The following LINGO2 variants were observed in gnomAD, a reference collection of about 807,000 sequenced individuals.
The protein encoded by LINGO2 is leucine rich repeat and Ig domain containing 2.
In LINGO2, 14 loss-of-function variants were observed where a neutral mutation model predicts 30.6. The ratio of observed to expected loss-of-function variants is 0.46; its 90% CI spans 0.30 to 0.72. The LOEUF (loss-of-function observed/expected upper bound fraction) is 0.72, where lower values mean the gene tolerates loss of function less well. Among genes scored for constraint, LINGO2 ranks in the 30% least tolerant of loss-of-function variants. The pLI is 0.07. For synonymous variants in LINGO2, 317 were observed against 288.5 expected (o/e 1.10, Z -1.00); for missense variants, 729 against 751.7 (o/e 0.97, Z 0.35).
intron 4 of LINGO2, among the ~76,000 whole-genome samples, chr9:28,013,836 A>G (rs1049812457): frequency 2.6e-5 from 4 of 152,158 alleles, no homozygotes; most frequent in Non-Finnish European, 5.9e-5. Context: ...AAATTGGAAG[A>G]TGATAGGGTT....
chr9:28,046,967 G>T (rs1824450263), intron 4 of LINGO2, among the ~76,000 whole-genome samples: 2 of 152,116 alleles, frequency 1.3e-5, no homozygotes, highest in Admixed American at 6.6e-5. Flanking sequence ...CAGTGAGATG[G>T]GAGAAAGCAT....
At chr9:28,228,101 T>C (rs1414913160) in intron 4 of LINGO2, among the ~76,000 whole-genome samples, 1 of 152,012 alleles carries the variant, frequency 6.6e-6, no homozygotes, top group South Asian at 2.1e-4. Flanking sequence ...CAGAGCAACA[T>C]ATTGGCTTTG....
At chr9:28,217,322 T>C (rs938307521) in intron 4 of LINGO2, among the ~76,000 whole-genome samples, 3 of 151,966 alleles carry the variant, frequency 2.0e-5, no homozygotes, top group Admixed American at 6.6e-5. Flanking sequence ...AGAAATTAAA[T>C]AGTTCCTGTG....
chr9:28,468,767 G>T (rs974594769), intron 2 of LINGO2, among the ~76,000 whole-genome samples: 2 of 152,168 alleles, frequency 1.3e-5, no homozygotes, highest in Non-Finnish European at 2.9e-5. Flanking sequence ...CTCAGAAAAG[G>T]TCTCAGAGGA....
intron 1 of LINGO2, among the ~76,000 whole-genome samples, chr9:28,561,776 TATATAA>T (rs1348939992): frequency 0.011 from 1,285 of 115,610 alleles, 206 homozygotes; most frequent in African/African-American, 0.051. Context: ...TATATATATA[TATATAA>T]AAAATATGCT....
At chr9:28,179,470 CTATA>C (rs1227146649) in intron 4 of LINGO2, among the ~76,000 whole-genome samples, 11 of 133,496 alleles carry the variant, frequency 8.2e-5, no homozygotes, top group African/African-American at 1.1e-4. Flanking sequence ...TGTATATATA[CTATA>C]TATAGTTTAT....
At chr9:29,146,116 G>A in the LINGO2 span, among the ~76,000 whole-genome samples, 1 of 152,084 alleles carries the variant, frequency 6.6e-6, no homozygotes, top group South Asian at 2.1e-4. Context: ...TAATAAAGCT[G>A]CACTAGAGTA....
At chr9:28,306,917 T>C (rs1824386738) in intron 3 of LINGO2, among the ~76,000 whole-genome samples, 1 of 152,198 alleles carries the variant, frequency 6.6e-6, no homozygotes, top group South Asian at 2.1e-4. Context: ...TAACAAGGTC[T>C]GAAATTGTGG....
At chr9:29,021,385 G>A in the LINGO2 span, among the ~76,000 whole-genome samples, 1 of 152,268 alleles carries the variant, frequency 6.6e-6, no homozygotes, top group Non-Finnish European at 1.5e-5. Flanking sequence ...TAGGCCAGGT[G>A]CGGTGGCTAA....
At chr9:28,964,795 G>C in the LINGO2 span, among the ~76,000 whole-genome samples, 34 of 151,920 alleles carry the variant, frequency 2.2e-4, no homozygotes, top group Non-Finnish European at 2.1e-4. Flanking sequence ...TAGTAGTTTA[G>C]AGAACAAGAT....
intron 4 of LINGO2, among the ~76,000 whole-genome samples, chr9:28,091,241 G>C (rs1826074990): frequency 6.6e-6 from 1 of 152,156 alleles, no homozygotes; most frequent in African/African-American, 2.4e-5. Flanking sequence ...AACCAAAAAA[G>C]AGCCTGCATT....
chr9:27,977,159 A>AC (rs904649826), intron 5 of LINGO2, among the ~76,000 whole-genome samples: 2 of 150,978 alleles, frequency 1.3e-5, no homozygotes, highest in Non-Finnish European at 2.9e-5. Context: ...GGCTTTACCT[A>AC]CTTTTTTTTT....
chr9:28,076,916 T>C (rs146015815), intron 4 of LINGO2, among the ~76,000 whole-genome samples: 1 of 152,162 alleles, frequency 6.6e-6, no homozygotes, highest in Non-Finnish European at 1.5e-5. Context: ...GAAATTCTAA[T>C]GTCTATTATT....
At chr9:28,712,594 CT>C in the LINGO2 span, among the ~76,000 whole-genome samples, 1 of 151,012 alleles carries the variant, frequency 6.6e-6, no homozygotes, top group Admixed American at 6.6e-5. Flanking sequence ...TAAACAGTAC[CT>C]ACTTTGTATG....
the LINGO2 span, among the ~76,000 whole-genome samples, chr9:29,206,218 C>T: frequency 6.6e-6 from 1 of 152,116 alleles, no homozygotes; most frequent in Admixed American, 6.5e-5. Flanking sequence ...TGATATATTG[C>T]TAGAGATTCA....
rs1422275989 is a variant in LINGO2, at chr9:28,077,786, AGAAAG to A, written c.-86-65386_-86-65382del. Among the ~76,000 whole-genome samples the A allele has an allele frequency of 2.1e-5, 3 of 145,024 alleles. No homozygotes were observed. The East Asian group carries it at 5.8e-4, about 28-fold the overall frequency. ...TATTATTTGATATGGTTGTAAAAAA[AGAAAG>A]AGAAGAAAGAAGAAAGAAGTAGAAA... On this transcript the variant is annotated intron_variant, in intron 4 of 5. Transcript: ENST00000379992.
intron 4 of LINGO2, among the ~76,000 whole-genome samples, chr9:28,051,292 A>G (rs1285198646): frequency 6.6e-6 from 1 of 152,084 alleles, no homozygotes; most frequent in African/African-American, 2.4e-5. Flanking sequence ...CAAGTTCATA[A>G]AACATATGAC....
the LINGO2 span, among the ~76,000 whole-genome samples, chr9:29,058,109 G>C: frequency 6.6e-6 from 1 of 151,946 alleles, no homozygotes; most frequent in Non-Finnish European, 1.5e-5. Context: ...CTATAGCAAG[G>C]AGAACATTCA....
At chr9:28,729,018 G>C in the LINGO2 span, among the ~76,000 whole-genome samples, 1 of 152,044 alleles carries the variant, frequency 6.6e-6, no homozygotes, top group Non-Finnish European at 1.5e-5. Context: ...TTGTTCTCTG[G>C]AGATGTTCTC....
Sources: gnomAD v4.1 joint callset for allele counts (sites outside exome capture counted in the v4.1 genomes callset) on GRCh38, gnomAD v4.1.1 for gene constraint, MANE v1.5 for transcripts, NCBI Gene and HGNC (gene_info 2026-07-23, HGNC 2026-07-21) for gene names.